ZNF384: variants seen among roughly 807,000 people sequenced by gnomAD.
ZNF384 encodes the protein CAG repeat protein 1.
In ZNF384, 20 loss-of-function variants were observed where a neutral mutation model predicts 65.0. That is an observed-to-expected ratio of 0.31 (90% CI 0.22 to 0.45). The LOEUF (loss-of-function observed/expected upper bound fraction) is 0.45, where lower values mean the gene tolerates loss of function less well. ZNF384 is among the 20% of genes least tolerant of loss of function. The pLI, the probability that ZNF384 is intolerant of heterozygous loss-of-function variation, is 1.00. For synonymous variants in ZNF384, 310 were observed against 303.9 expected (o/e 1.02, Z -0.21); for missense variants, 549 against 769.4 (o/e 0.71, Z 3.39).
rs1320359893 is a variant in ZNF384, at chr12:6,673,497, C to T, written c.780-57G>A. 2.0e-6 allele frequency: 3 copies of T among 1,512,918 alleles called. No homozygotes were observed. The highest frequency in any genetic ancestry group is 2.3e-5 in the East Asian group (1 of 43,680). The allele number at this position is 1,512,918 out of a possible 1,614,324, so 93.7% of individuals were successfully genotyped here. On this transcript the variant is annotated intron_variant, in intron 7 of 11. Coordinates refer to ENST00000683879, the MANE Select transcript of ZNF384 (RefSeq NM_001385745.1). The surrounding 1 kb of genome is among the most constrained non-coding windows in gnomAD (Gnocchi z 4.7). ...TTCCCATCAAGAAGGTGTGGCTGAACCCTCCCCTCTACTTCCAAGAGAAGC... is the reference window on the plus strand; with the variant it reads ...TTCCCATCAAGAAGGTGTGGCTGAATCCTCCCCTCTACTTCCAAGAGAAGC...
Position 6,673,447 on chromosome 12 carries a change from C to G in ZNF384, c.780-7G>C. On this transcript the variant is annotated splice_region_variant and splice_polypyrimidine_tract_variant and intron_variant, in intron 7 of 11. Coordinates refer to ENST00000683879, the MANE Select transcript of ZNF384 (RefSeq NM_001385745.1). This position sits in a 1 kb window ranked among gnomAD's most constrained non-coding sequence, Gnocchi z 4.7. Reference sequence around the variant, plus strand: ...CAGTGAGCACATCCGGCACCTGAGCCAAGTGAGGGCAATGGTTAGAACCCT... The same window carrying G: ...CAGTGAGCACATCCGGCACCTGAGCGAAGTGAGGGCAATGGTTAGAACCCT... The G allele has an allele frequency of 6.2e-7, 1 of 1,612,842 alleles. No homozygotes were observed. Among genetic ancestry groups the G allele is most frequent in the Non-Finnish European group, 8.5e-7 (1 of 1,179,390 alleles).
rs144377238 is a variant in ZNF384, at chr12:6,669,942, G to GCA, written c.1267-755_1267-754dup. Reference sequence around the variant, plus strand: ...GTCTCAAACACGCACACGCGCGCGCGCACACACACACACACACACAAACAC... The same window carrying GCA: ...GTCTCAAACACGCACACGCGCGCGCGCACACACACACACACACACACAAACAC... On this transcript the variant is annotated intron_variant, in intron 10 of 11. Coordinates refer to ENST00000683879, the MANE Select transcript of ZNF384 (RefSeq NM_001385745.1). Among the ~76,000 whole-genome samples, 428 of 139,244 alleles carry GCA rather than the reference G, an allele frequency of 3.1e-3. 2 individuals are homozygous for GCA. The highest frequency in any genetic ancestry group is 8.8e-3 in the East Asian group (45 of 5,116). 91.3% of individuals were successfully genotyped at this position (139,244 alleles called of 152,430 possible).
Position 6,667,344 on chromosome 12 carries a change from C to T in ZNF384, c.*370G>A, listed in dbSNP as rs1565416384. ...CTGGGAGGGCCAGCCTCTAGTCTTACATCAGCCCAAACTTTGAGGATAAGG... is the reference window on the plus strand; with the variant it reads ...CTGGGAGGGCCAGCCTCTAGTCTTATATCAGCCCAAACTTTGAGGATAAGG... On this transcript the variant is annotated 3_prime_UTR_variant, in exon 12 of 12. Transcript: ENST00000683879. 3 of 427,574 alleles carry T rather than the reference C, an allele frequency of 7.0e-6. No individual in the cohort carries two copies. The highest frequency in any genetic ancestry group is 3.9e-5 in the African/African-American group (2 of 51,040). 26.5% of individuals were successfully genotyped at this position (427,574 alleles called of 1,614,324 possible). A position where few individuals can be genotyped will look rare whatever the true frequency, so the allele number is the denominator to read the frequency against.
intron 2 of ZNF384, among the ~76,000 whole-genome samples, chr12:6,681,407 T>C (rs1029097044): frequency 4.6e-5 from 7 of 152,012 alleles, no homozygotes; most frequent in Non-Finnish European, 8.8e-5. Context: ...CCAGCAAAGA[T>C]AGAGCCCCAC....
rs573140026 is a variant in ZNF384, at chr12:6,667,789, C to T, written c.1752G>A (p.Thr584=). 13 of 1,614,224 alleles carry T rather than the reference C, an allele frequency of 8.1e-6. No homozygotes were observed. The highest frequency in any genetic ancestry group is 5.5e-5 in the South Asian group (5 of 91,082). The change falls in exon 12 of 12, where the codon ACG becomes ACA. Residue 584 remains threonine (T), a synonymous_variant. Coordinates refer to ENST00000683879, the MANE Select transcript of ZNF384 (RefSeq NM_001385745.1). The stretch of plus-strand genomic sequence containing the variant: ...GGCAGATGTCCTTATGATGCTCCGC[C>T]GTCTTATACGGGGTCAGGTCAAAGG... ...QCSFDLTPYK[T]AEHHKDICLT...
intron 3 of ZNF384, 125 bp from the exon 4 acceptor site, chr12:6,679,308 C>A (rs1385431335): frequency 2.3e-5 from 28 of 1,210,270 alleles, no homozygotes; most frequent in Admixed American, 2.1e-4. Context: ...ATACCTCTGG[C>A]CTTCTAGAGA....
At position 6,678,979 on chromosome 12, in the gene ZNF384, C is replaced by A; in HGVS notation, c.271G>T (p.Val91Phe). 1 of 1,614,050 alleles carries A rather than the reference C, an allele frequency of 6.2e-7. No individual in the cohort carries two copies. Among genetic ancestry groups the A allele is most frequent in the Admixed American group, 1.7e-5 (1 of 60,004 alleles). Residue 91 changes from valine to phenylalanine, a missense_variant, in exon 4 of 12, where the codon GTC (valine) becomes TTC (phenylalanine). By Grantham distance (50) the Val-to-Phe change is conservative. Around this residue, in one of 5 missense-constraint regions of ZNF384, gnomAD observed 277 missense variants for 337.2 expected, o/e 0.82. Transcript: ENST00000683879. This position sits in a 1 kb window ranked among gnomAD's most constrained non-coding sequence, Gnocchi z 4.9. ...QASVTQNITV[V>F]PVPSTGLMTA... Reference sequence around the variant, plus strand: ...ATCAGTCCTGTAGACGGCACAGGGACCACCGTGATATTCTGGGTAACGGAC... The same window carrying A: ...ATCAGTCCTGTAGACGGCACAGGGAACACCGTGATATTCTGGGTAACGGAC...
At chr12:6,676,640 A>G (rs1953722654) in intron 7 of ZNF384, among the ~76,000 whole-genome samples, 2 of 152,248 alleles carry the variant, frequency 1.3e-5, no homozygotes, top group African/African-American at 4.8e-5. Context: ...CACAAATTGT[A>G]TATAGATGTA....
intron 10 of ZNF384, 67 bp from the exon 11 acceptor site, chr12:6,669,256 T>A: frequency 4.0e-6 from 6 of 1,493,254 alleles, no homozygotes; most frequent in Admixed American, 4.3e-5. Context: ...TTGACCTCGA[T>A]GGAAAGCAAA....
At position 6,679,103 on chromosome 12, in the gene ZNF384, G is replaced by A. The variant is rs1954873751; in HGVS notation, c.147C>T (p.Tyr49=). 1 of 1,613,782 alleles carries A rather than the reference G, an allele frequency of 6.2e-7. No individual in the cohort carries two copies. The highest frequency in any genetic ancestry group is 1.3e-5 in the African/African-American group (1 of 74,920). The change falls in exon 4 of 12, where the codon TAC becomes TAT. Residue 49 remains tyrosine, a synonymous_variant. Coordinates refer to ENST00000683879, the MANE Select transcript of ZNF384 (RefSeq NM_001385745.1). The part of the protein sequence containing the change: ...EKGCGLAPPH[Y]PTLLTVPASV... ...AGGCAGGCACTGTCAGCAAGGTGGGGTAGTGAGGTGGGGCCAGACCACAGC... is the reference window on the plus strand; with the variant it reads ...AGGCAGGCACTGTCAGCAAGGTGGGATAGTGAGGTGGGGCCAGACCACAGC...
intron 2 of ZNF384, among the ~76,000 whole-genome samples, chr12:6,687,955 T>C (rs1241502417): frequency 2.6e-5 from 4 of 152,172 alleles, no homozygotes; most frequent in African/African-American, 9.7e-5. Flanking sequence ...GAATGGAAAG[T>C]GATGGGGGAT....
In ZNF384 at chr12:6,689,140, C is replaced by A; in HGVS notation, c.-108G>T. 6.6e-6 allele frequency: 1 copy of A among 152,646 alleles called. No individual in the cohort carries two copies. Among genetic ancestry groups the A allele is most frequent in the South Asian group, 2.1e-4 (1 of 4,864 alleles). 9.5% of individuals were successfully genotyped at this position (152,646 alleles called of 1,614,324 possible). The stretch of plus-strand genomic sequence containing the variant: ...GGCGGCGCCAGAGCCTGAGCCAGGG[C>A]GCGGGAGGGGCGGCGTTTGCTGGGA... On this transcript the variant is annotated 5_prime_UTR_variant, in exon 1 of 12. Transcript: ENST00000683879.
rs78785709 is a variant in ZNF384 at position 6,676,450 on chromosome 12, T to A, written c.779+717A>T. 3.8e-3 allele frequency among the ~76,000 whole-genome samples: 582 copies of A among 152,358 alleles called. 4 individuals carry two copies. The highest frequency in any genetic ancestry group is 0.013 in the African/African-American group (544 of 41,588). On this transcript the variant is annotated intron_variant, in intron 7 of 11. Transcript: ENST00000683879. ...ATTCAGGAATTCCAAAAATACTGAA[T>A]GTGTGAAAAGCCCCATGAGGCTTTC...
rs910758337 is a variant in ZNF384 at position 6,667,283 on chromosome 12, G to A, written c.*431C>T. On this transcript the variant is annotated 3_prime_UTR_variant, in exon 12 of 12. Transcript: ENST00000683879. ...TTTTGCAGGCAAGAATAGAACAAGA[G>A]GCTGGTTGCATTTGGGGCTCCCTTT... The A allele has an allele frequency of 2.7e-6, 1 of 366,880 alleles. No individual in the cohort carries two copies. Among genetic ancestry groups the A allele is most frequent in the African/African-American group, 2.0e-5 (1 of 49,918 alleles). 22.7% of individuals were successfully genotyped at this position (366,880 alleles called of 1,614,324 possible).
At chr12:6,685,735 CCA>C (rs963480877) in intron 2 of ZNF384, among the ~76,000 whole-genome samples, 2 of 146,034 alleles carry the variant, frequency 1.4e-5, no homozygotes, top group Non-Finnish European at 3.0e-5. Context: ...GGAGATCAGA[CCA>C]CTGCACTCCA....
chr12:6,672,332 C>CCCGCCACTCTCCCTTA lies in ZNF384; in HGVS notation c.1187+2_1187+17dup. On this transcript the variant is annotated intron_variant, in intron 9 of 11. Coordinates refer to ENST00000683879, the MANE Select transcript of ZNF384 (RefSeq NM_001385745.1). This position sits in a 1 kb window ranked among gnomAD's most constrained non-coding sequence, Gnocchi z 4.4. Reference sequence around the variant, plus strand: ...CATGCCAGCGGGGCGGGGTCAGTAGCCCGCCACTCTCCCTTACCGTGTGTG... The same window carrying CCCGCCACTCTCCCTTA: ...CATGCCAGCGGGGCGGGGTCAGTAGCCCGCCACTCTCCCTTACCGCCACTCTCCCTTACCGTGTGTG... 6.2e-7 allele frequency: 1 copy of CCCGCCACTCTCCCTTA among 1,608,406 alleles called. No homozygotes were observed. Among genetic ancestry groups the CCCGCCACTCTCCCTTA allele is most frequent in the Non-Finnish European group, 8.5e-7 (1 of 1,177,054 alleles).
Position 6,673,831 on chromosome 12 carries a change from G to T in ZNF384, c.780-391C>A, listed in dbSNP as rs1011194674. Among the ~76,000 whole-genome samples, 16 of 152,200 alleles carry T rather than the reference G, an allele frequency of 1.1e-4. 1 individual carries two copies. In the East Asian group the frequency reaches 3.1e-3, roughly 29 times the overall value. On this transcript the variant is annotated intron_variant, in intron 7 of 11. Transcript: ENST00000683879. This position sits in a 1 kb window ranked among gnomAD's most constrained non-coding sequence, Gnocchi z 4.7. Reference sequence around the variant, plus strand: ...TGATGTTCCTATGTATGAAGCACATGCCTCTGTATTCCTCAAGACCCCGAG... The same window carrying T: ...TGATGTTCCTATGTATGAAGCACATTCCTCTGTATTCCTCAAGACCCCGAG...
intron 2 of ZNF384, 41 bp from the exon 3 acceptor site, chr12:6,679,566 C>T (rs1370345712): frequency 6.5e-7 from 1 of 1,538,244 alleles, no homozygotes; most frequent in Non-Finnish European, 9.0e-7. Flanking sequence ...TCAGGAATTA[C>T]TCAGAAAAAG....
chr12:6,681,150 C>T (rs1353720660), intron 2 of ZNF384, among the ~76,000 whole-genome samples: 2 of 146,408 alleles, frequency 1.4e-5, no homozygotes, highest in African/African-American at 5.1e-5. Context: ...ACCCAGGAGG[C>T]GGAGGTTGCA....
Sources: allele counts gnomAD v4.1 joint callset (sites outside exome capture counted in the v4.1 genomes callset), GRCh38; gene constraint gnomAD v4.1.1; regional missense constraint gnomAD v4.1.1; non-coding constraint Gnocchi (gnomAD v3.1); transcripts MANE v1.5; gene names NCBI Gene and HGNC (gene_info 2026-07-23, HGNC 2026-07-21).